The following EXT1 variants were observed in gnomAD, a reference collection of about 807,000 sequenced individuals.
EXT1 encodes exostosin-1.
A neutral mutation model predicts 82.5 loss-of-function variants in EXT1; 20 were observed. The ratio of observed to expected loss-of-function variants is 0.24; its 90% CI spans 0.17 to 0.35. The LOEUF (loss-of-function observed/expected upper bound fraction) is 0.35. Among genes scored for constraint, EXT1 ranks in the 10% least tolerant of loss-of-function variants. The probability of loss-of-function intolerance (pLI) is 1.00; values close to 1 mark genes in which losing one functional copy is unlikely to be tolerated. For synonymous variants in EXT1, 348 were observed against 350.8 expected, an observed-to-expected ratio of 0.99 and a Z score of 0.09; for missense variants, 757 against 936.5, an observed-to-expected ratio of 0.81 and a Z score of 2.50.
At chr8:118,027,345 A>G (rs1357986818) in intron 1 of EXT1, among the ~76,000 whole-genome samples, 1 of 149,812 alleles carries the variant, frequency 6.7e-6, no homozygotes, top group African/African-American at 2.5e-5. Flanking sequence ...ACACACACAC[A>G]CACACACACA....
intron 1 of EXT1, among the ~76,000 whole-genome samples, chr8:118,018,966 T>C (rs1456267786): frequency 6.6e-6 from 1 of 152,052 alleles, no homozygotes; most frequent in East Asian, 1.9e-4. Flanking sequence ...ATTACTCCTC[T>C]GAATGAGTGT....
At chr8:117,916,517 A>T (rs1813757249) in intron 1 of EXT1, among the ~76,000 whole-genome samples, 1 of 152,208 alleles carries the variant, frequency 6.6e-6, no homozygotes, top group African/African-American at 2.4e-5. Flanking sequence ...AGCAACATAT[A>T]CGTAATGAGA....
intron 1 of EXT1, among the ~76,000 whole-genome samples, chr8:117,979,379 CAAA>C (rs925198486): frequency 1.8e-3 from 211 of 116,206 alleles, no homozygotes; most frequent in African/African-American, 5.5e-3. Flanking sequence ...AACAAACAAA[CAAA>C]AAAACAAAAC....
intron 1 of EXT1, among the ~76,000 whole-genome samples, chr8:117,973,930 CAAGGAAGG>C (rs759924955): frequency 0.019 from 1,511 of 79,510 alleles, 45 homozygotes; most frequent in African/African-American, 0.045. Flanking sequence ...AGGCAGAAAG[CAAGGAAGG>C]AAGGAAGGAA....
intron 7 of EXT1, 107 bp from the exon 8 acceptor site, chr8:117,813,068 GCTA>G (rs1823356832): frequency 1.2e-6 from 1 of 856,126 alleles, no homozygotes. Context: ...TAAAGAATGC[GCTA>G]CTATCATGTC....
At chr8:118,038,868 G>A (rs1816473496) in intron 1 of EXT1, among the ~76,000 whole-genome samples, 4 of 152,294 alleles carry the variant, frequency 2.6e-5, no homozygotes, top group South Asian at 4.1e-4. Context: ...TGAACATGGC[G>A]TCTGTTCCTC....
At chr8:117,854,280 A>C (rs1361584023) in intron 1 of EXT1, among the ~76,000 whole-genome samples, 1 of 151,758 alleles carries the variant, frequency 6.6e-6, no homozygotes, top group Non-Finnish European at 1.5e-5. Context: ...TGCCTCCTAG[A>C]CTAATTTAGG....
intron 1 of EXT1, among the ~76,000 whole-genome samples, chr8:117,839,557 G>T (rs1812241317): frequency 6.6e-6 from 1 of 152,096 alleles, no homozygotes; most frequent in Non-Finnish European, 1.5e-5. Context: ...TCATACCTTA[G>T]AACAATGATT....
intron 1 of EXT1, among the ~76,000 whole-genome samples, chr8:117,996,593 C>T (rs1815543205): frequency 1.3e-5 from 2 of 152,116 alleles, no homozygotes; most frequent in Admixed American, 6.5e-5. Context: ...AATGCTTGGC[C>T]CCAGAATCCA....
At chr8:118,057,799 C>T (rs1816818949) in intron 1 of EXT1, among the ~76,000 whole-genome samples, 1 of 151,698 alleles carries the variant, frequency 6.6e-6, no homozygotes. Context: ...CATGGTGAAA[C>T]CCCATCTCTA....
intron 1 of EXT1, among the ~76,000 whole-genome samples, chr8:118,037,412 C>G (rs908700000): frequency 6.7e-6 from 1 of 148,724 alleles, no homozygotes; most frequent in Non-Finnish European, 1.5e-5. Context: ...CGGTCCTGCT[C>G]TGTCATTCAG....
intron 1 of EXT1, among the ~76,000 whole-genome samples, chr8:118,001,806 T>C (rs1288438285): frequency 6.6e-6 from 1 of 152,180 alleles, no homozygotes; most frequent in Admixed American, 6.5e-5. Flanking sequence ...TACAACTACG[T>C]AAGAAAGCTA....
In EXT1 at chr8:118,031,232, A is replaced by C. The variant is rs1816311425; in HGVS notation, c.962+78853T>G. Among the ~76,000 whole-genome samples the C allele has an allele frequency of 3.3e-5, 5 of 152,078 alleles. No homozygotes were observed. In the South Asian group the frequency reaches 1.0e-3, roughly 32 times the overall value. On this transcript the variant is annotated intron_variant, in intron 1 of 10. Coordinates refer to ENST00000378204, the MANE Select transcript of EXT1 (RefSeq NM_000127.3). Reference sequence around the variant, plus strand: ...CCATTCAATAAAATATACAAATCCTAATATTTTGGCCGGCAAGGTGACTCA... The same window carrying C: ...CCATTCAATAAAATATACAAATCCTCATATTTTGGCCGGCAAGGTGACTCA...
At chr8:117,979,631 C>A (rs1242677722) in intron 1 of EXT1, among the ~76,000 whole-genome samples, 3 of 152,050 alleles carry the variant, frequency 2.0e-5, no homozygotes, top group Non-Finnish European at 4.4e-5. Context: ...GTCAGTTCCC[C>A]TCCACATTTT....
intron 1 of EXT1, among the ~76,000 whole-genome samples, chr8:117,939,526 A>C (rs1021249245): frequency 1.3e-5 from 2 of 149,808 alleles, no homozygotes; most frequent in South Asian, 4.2e-4. Flanking sequence ...CCAAGATTGC[A>C]CCACTGCACT....
In EXT1 at chr8:117,804,769, T is replaced by C. The variant is rs1006977291; in HGVS notation, c.2008A>G (p.Ile670Val). 1 of 1,614,116 alleles carries C rather than the reference T, an allele frequency of 6.2e-7. No homozygotes were observed. Among genetic ancestry groups the C allele is most frequent in the Admixed American group, 1.7e-5 (1 of 60,016 alleles). Residue 670 changes from isoleucine (I) to valine (V), a missense_variant, in exon 10 of 11, where the codon ATC (isoleucine) becomes GTC (valine). By Grantham distance (29) the Ile-to-Val change is conservative. This residue lies in a region of EXT1 where 128 missense variants were observed against 223.2 expected (regional missense o/e 0.57). Transcript: ENST00000378204. Reference sequence around the variant, plus strand: ...TACTGCTTCTTCTGGGTCACTTTGATTGGAGGCAATTTTGTCACAGCAGAC... The same window carrying C: ...TACTGCTTCTTCTGGGTCACTTTGACTGGAGGCAATTTTGTCACAGCAGAC... ...LVSAVTKLPPIKVTQKKQYKE... is the reference protein window; with the variant it reads ...LVSAVTKLPPVKVTQKKQYKE...
At chr8:117,810,340 G>A (rs1308951506) in intron 8 of EXT1, among the ~76,000 whole-genome samples, 1 of 152,096 alleles carries the variant, frequency 6.6e-6, no homozygotes, top group African/African-American at 2.4e-5. Flanking sequence ...CCTTGCCCAG[G>A]ACCATTTTAG....
intron 1 of EXT1, among the ~76,000 whole-genome samples, chr8:117,962,491 AC>A (rs1486828359): frequency 2.0e-5 from 3 of 152,102 alleles, no homozygotes; most frequent in East Asian, 3.9e-4. Flanking sequence ...AGTGGCTCAT[AC>A]CTGTAATCCC....
chr8:118,029,122 T>C (rs1018704028), intron 1 of EXT1, among the ~76,000 whole-genome samples: 1 of 151,818 alleles, frequency 6.6e-6, no homozygotes, highest in Admixed American at 6.6e-5. Context: ...GATACATTTG[T>C]AGATTCAACA....
Sources: gnomAD v4.1 joint callset for allele counts (sites outside exome capture counted in the v4.1 genomes callset) on GRCh38, gnomAD v4.1.1 for gene constraint, gnomAD v4.1.1 regional missense constraint, MANE v1.5 for transcripts, NCBI Gene and HGNC (gene_info 2026-07-23, HGNC 2026-07-21) for gene names.